Variants in LMAN1L observed in about 807,000 individuals in gnomAD.
LMAN1L encodes protein ERGIC-53-like.
In LMAN1L, 60 loss-of-function variants were observed where a neutral mutation model predicts 58.3. The observed-to-expected ratio is 1.03, with a 90% CI of 0.84 to 1.27. The LOEUF is 1.27. Among genes scored for constraint, LMAN1L ranks in the 50% most tolerant of loss-of-function variants. LMAN1L has a pLI of 0.00. For synonymous variants in LMAN1L, 280 were observed against 271.6 expected (o/e 1.03, Z -0.31); for missense variants, 629 against 674.0 (o/e 0.93, Z 0.74).
chr15:74,815,708 G>T (rs529280688), intron 1 of LMAN1L, among the ~76,000 whole-genome samples: 1 of 152,230 alleles, frequency 6.6e-6, no homozygotes, highest in African/African-American at 2.4e-5. Context: ...TGTGTTCTGT[G>T]GTCTCAGGCA....
chr15:74,814,381 T>G (rs929541232), intron 1 of LMAN1L, among the ~76,000 whole-genome samples: 5,644 of 138,766 alleles, frequency 0.041, 570 homozygotes, highest in African/African-American at 0.15. Flanking sequence ...TGTTTTTGTT[T>G]TTTTTTTTTT....
rs114366521 is a variant in LMAN1L at position 74,823,668 on chromosome 15, C to T, written c.1309C>T (p.Leu437Phe). ...DHILGLLQEE[L>F]RGPAKAAAKA... ...CATCCTGGGCCTCCTGCAGGAGGAG[C>T]TTCGGGGCCCGGCGGTGAGGGGAAA... The change falls in exon 12 of 14, where the codon CTT becomes TTT. Residue 437 changes from leucine (L) to phenylalanine (F), a missense_variant. This residue lies in a region of LMAN1L where 573 missense variants were observed against 597.3 expected (regional missense o/e 0.96). Transcript: ENST00000309664. 3.7e-3 allele frequency: 5,900 copies of T among 1,613,514 alleles called. 188 individuals are homozygous for T. The African/African-American group carries it at 0.069, about 19-fold the overall frequency.
chr15:74,821,826 C>G lies in LMAN1L; in HGVS notation c.1060-3C>G, dbSNP rs1180891617. 3 of 1,609,108 alleles carry G rather than the reference C, an allele frequency of 1.9e-6. No homozygotes were observed. Among genetic ancestry groups the G allele is most frequent in the Admixed American group, 3.3e-5 (2 of 59,908 alleles). On this transcript the variant is annotated splice_polypyrimidine_tract_variant and splice_region_variant and intron_variant, in intron 9 of 13. Transcript: ENST00000309664. ...GGCCAAGCCTCTCTGATCCTATCCC[C>G]AGGCCCTGGATGCTTCCTGCCAGAT... is the stretch of plus-strand genomic sequence containing the variant.
chr15:74,813,202 G>A (rs1838194505), intron 1 of LMAN1L, 173 bp downstream of exon 1: 5 of 692,518 alleles, frequency 7.2e-6, no homozygotes, highest in South Asian at 3.4e-5. Flanking sequence ...CTGCTCCACC[G>A]CCTCAACACC....
intron 8 of LMAN1L, 97 bp from the exon 9 acceptor site, chr15:74,820,978 T>G: frequency 7.1e-7 from 1 of 1,415,638 alleles, no homozygotes; most frequent in Non-Finnish European, 9.4e-7. Flanking sequence ...AGCCACACCT[T>G]CTGGCACCCC....
intron 1 of LMAN1L, chr15:74,813,435 C>T: frequency 4.4e-6 from 2 of 459,472 alleles, no homozygotes; most frequent in Middle Eastern, 3.2e-4. Context: ...CTGTGGCTGG[C>T]CATGAGAACT....
At chr15:74,821,533 AG>A (rs1479603469) in intron 9 of LMAN1L, among the ~76,000 whole-genome samples, 3 of 152,224 alleles carry the variant, frequency 2.0e-5, no homozygotes, top group Non-Finnish European at 4.4e-5. Flanking sequence ...CGATTTGCAT[AG>A]GGCTTGCTTA....
chr15:74,820,270 G>T, intron 7 of LMAN1L, 171 bp downstream of exon 7: 1 of 662,738 alleles, frequency 1.5e-6, no homozygotes, highest in South Asian at 1.8e-5. Context: ...CGGTGTGTGA[G>T]GTCTCGCAGG....
Position 74,825,569 on chromosome 15 carries a change from G to A in LMAN1L, c.1545G>A (p.Leu515=), listed in dbSNP as rs751382723. 1.9e-6 allele frequency: 3 copies of A among 1,613,164 alleles called. No individual in the cohort carries two copies. The highest frequency in any genetic ancestry group is 2.5e-6 in the Non-Finnish European group (3 of 1,179,464). ...ACACCCCCAGGGCCCTGGGGATTCT[G>A]AGGAGGCAGCCTCTCCCTGCCAGCA... ...APHTPRALGI[L]RRQPLPASMP... Residue 515 remains leucine, a synonymous_variant, in exon 14 of 14, where the codon CTG becomes CTA. Transcript: ENST00000309664.
chr15:74,819,243 G>C lies in LMAN1L; in HGVS notation c.689G>C (p.Gly230Ala). Residue 230 changes from glycine (G) to alanine (A), a missense_variant, in exon 6 of 14, where the codon GGG becomes GCG. Physicochemically the swap from Gly to Ala is moderately conservative, Grantham distance 60. Coordinates refer to ENST00000309664, the MANE Select transcript of LMAN1L (RefSeq NM_021819.3). ...PLLLVPGGFF[G>A]VSAATGTLAD... ...CTTTTGGTCCCTGGAGGTTTCTTTG[G>C]GGTCTCAGCAGCCACCGGCACCCTG... The C allele has an allele frequency of 6.2e-7, 1 of 1,614,122 alleles. No individual in the cohort carries two copies. Among genetic ancestry groups the C allele is most frequent in the Non-Finnish European group, 8.5e-7 (1 of 1,180,008 alleles).
At chr15:74,817,272 T>A (rs866222505) in intron 4 of LMAN1L, among the ~76,000 whole-genome samples, 3 of 152,174 alleles carry the variant, frequency 2.0e-5, no homozygotes, top group Non-Finnish European at 4.4e-5. Context: ...ACCAAGCCCT[T>A]CTCATTTACT....
intron 11 of LMAN1L, 73 bp downstream of exon 11, chr15:74,822,782 C>A: frequency 8.8e-7 from 1 of 1,141,862 alleles, no homozygotes; most frequent in Non-Finnish European, 1.3e-6. Flanking sequence ...CCCTTCATTC[C>A]TTCCATCATT....
At chr15:74,822,524 G>A (rs139664978) in intron 10 of LMAN1L, 118 bp from the exon 11 acceptor site, 1 of 732,598 alleles carries the variant, frequency 1.4e-6, no homozygotes, top group African/African-American at 1.8e-5. Flanking sequence ...AAATAAGGAG[G>A]CCCTGGTAAT....
intron 6 of LMAN1L, 102 bp from the exon 7 acceptor site, chr15:74,819,942 C>T (rs2063908954): frequency 9.1e-7 from 1 of 1,096,660 alleles, no homozygotes; most frequent in Non-Finnish European, 1.4e-6. Flanking sequence ...CCAAAGTCAC[C>T]CCTCTTGCCT....
intron 13 of LMAN1L, chr15:74,824,725 T>C: frequency 2.4e-6 from 1 of 424,692 alleles, no homozygotes; most frequent in Non-Finnish European, 4.2e-6. Flanking sequence ...ACTGACCCTG[T>C]GTCGTCAATG....
chr15:74,819,002 G>A (rs2141115360), intron 5 of LMAN1L, 150 bp from the exon 6 acceptor site: 3 of 1,055,296 alleles, frequency 2.8e-6, no homozygotes, highest in Non-Finnish European at 4.2e-6. Context: ...GCACATACAT[G>A]TAAGGGCTCA....
intron 11 of LMAN1L, 104 bp from the exon 12 acceptor site, chr15:74,823,455 C>T: frequency 1.5e-6 from 2 of 1,303,172 alleles, no homozygotes; most frequent in Non-Finnish European, 2.2e-6. Context: ...GGTACCTGTT[C>T]CCCATCCATG....
rs112467575 is a variant in LMAN1L, at chr15:74,816,839, C to A, written c.497+149C>A. ...TTGCTGGACTCTCTCACTTAGCCGA[C>A]GTCCGCCCCCCTGGGGCTTGATTCC... is the stretch of plus-strand genomic sequence containing the variant. On this transcript the variant is annotated intron_variant, in intron 4 of 13. Coordinates refer to ENST00000309664, the MANE Select transcript of LMAN1L (RefSeq NM_021819.3). 9.1e-5 allele frequency: 67 copies of A among 733,002 alleles called. No homozygotes were observed. The African/African-American group carries it at 9.3e-4, about 10-fold the overall frequency. The allele number at this position is 733,002 out of a possible 1,614,324, so 45.4% of individuals were successfully genotyped here. A position where few individuals can be genotyped will look rare whatever the true frequency, so the allele number is the denominator to read the frequency against.
chr15:74,816,707 A>T lies in LMAN1L; in HGVS notation c.497+17A>T. On this transcript the variant is annotated intron_variant, in intron 4 of 13. Coordinates refer to ENST00000309664, the MANE Select transcript of LMAN1L (RefSeq NM_021819.3). ...GCAGCCTGGGTAAGGGCCTGTCTGG[A>T]CTGACCACTCACCTCCATTTTTGCA... is the stretch of plus-strand genomic sequence containing the variant. 1 of 1,611,486 alleles carries T rather than the reference A, an allele frequency of 6.2e-7. No homozygotes were observed. Among genetic ancestry groups the T allele is most frequent in the Non-Finnish European group, 8.5e-7 (1 of 1,178,516 alleles).
Sources: gnomAD v4.1 joint callset for allele counts (sites outside exome capture counted in the v4.1 genomes callset) on GRCh38, gnomAD v4.1.1 for gene constraint, gnomAD v4.1.1 regional missense constraint, MANE v1.5 for transcripts, NCBI Gene and HGNC (gene_info 2026-07-23, HGNC 2026-07-21) for gene names.